TFAM: variants seen among roughly 807,000 people sequenced by gnomAD.
The protein encoded by TFAM is mitochondrial transcription factor 1.
Under a neutral mutation model 30.6 loss-of-function variants are expected in TFAM, and 13 were observed. The ratio of observed to expected loss-of-function variants is 0.42; its 90% CI spans 0.28 to 0.67. TFAM has a LOEUF of 0.67. Ranked by LOEUF, TFAM falls within the 30% of genes least tolerant of loss-of-function variation. TFAM has a pLI of 0.21. For synonymous variants in TFAM, 106 were observed against 94.8 expected (o/e 1.12, Z -0.69); for missense variants, 231 against 293.7 (o/e 0.79, Z 1.56).
chr10:58,390,923 C>T, intron 5 of TFAM, 63 bp downstream of exon 5: 2 of 1,409,070 alleles, frequency 1.4e-6, no homozygotes, highest in South Asian at 1.2e-5. Flanking sequence ...GTCTAGAGTG[C>T]CATGTGTCAG....
At position 58,385,522 on chromosome 10, in the gene TFAM, G is replaced by A; in HGVS notation, c.-26G>A. 1.3e-6 allele frequency: 2 copies of A among 1,537,266 alleles called. No homozygotes were observed. The highest frequency in any genetic ancestry group is 1.8e-6 in the Non-Finnish European group (2 of 1,133,074). On this transcript the variant is annotated 5_prime_UTR_variant, in exon 1 of 7. Transcript: ENST00000487519. ...CAGGAGGCTCTCCGAGATTGGGGTC[G>A]GGTCACTGCCTCATCCACCGGAGCG...
In TFAM at chr10:58,390,831, T is replaced by G. The variant is rs1163208695; in HGVS notation, c.508T>G (p.Phe170Val). Residue 170 changes from phenylalanine (F) to valine (V), a missense_variant, in exon 5 of 7, where the codon TTC becomes GTC. Physicochemically the swap from Phe to Val is conservative, Grantham distance 50. Transcript: ENST00000487519. ...TTATAACGTTTATGTAGCTGAAAGA[T>G]TCCAAGAAGCTAAGGGTGATTCACC... ...SAYNVYVAER[F>V]QEAKGDSPQE... The G allele has an allele frequency of 6.2e-7, 1 of 1,613,150 alleles. No individual in the cohort carries two copies. Among genetic ancestry groups the G allele is most frequent in the African/African-American group, 1.3e-5 (1 of 74,902 alleles).
intron 4 of TFAM, among the ~76,000 whole-genome samples, chr10:58,389,045 A>G (rs1013377990): frequency 6.6e-6 from 1 of 152,228 alleles, no homozygotes; most frequent in African/African-American, 2.4e-5. Context: ...TTGCAGATGT[A>G]TCCACATTTA....
chr10:58,390,866 G>C lies in TFAM; in HGVS notation c.537+6G>C, dbSNP rs775975100. On this transcript the variant is annotated splice_donor_region_variant and intron_variant, in intron 5 of 6. Coordinates refer to ENST00000487519, the MANE Select transcript of TFAM (RefSeq NM_003201.3). The stretch of plus-strand genomic sequence containing the variant: ...CTAAGGGTGATTCACCGCAGGTAAA[G>C]CTGAAATATATTTTTGTTTAATTTT... The C allele has an allele frequency of 3.1e-6, 5 of 1,610,666 alleles. No homozygotes were observed. The highest frequency in any genetic ancestry group is 4.2e-6 in the Non-Finnish European group (5 of 1,178,162).
Position 58,388,816 on chromosome 10 carries a change from A to T in TFAM, c.438A>T (p.Lys146Asn), listed in dbSNP as rs1564567817. Residue 146 changes from lysine (K) to asparagine (N), a missense_variant, in exon 4 of 7, where the codon AAA becomes AAT. Lys to Asn is a moderately conservative substitution (Grantham distance 94). Coordinates refer to ENST00000487519, the MANE Select transcript of TFAM (RefSeq NM_003201.3). ...KHLKRKAMTK[K>N]KELTLLGKPK... ...TAAAAAGGAAAGCTATGACAAAAAA[A>T]AAAGTGAGTATCATTGAAATACTTT... 1 of 1,604,944 alleles carries T rather than the reference A, an allele frequency of 6.2e-7. No homozygotes were observed. The highest frequency in any genetic ancestry group is 2.2e-5 in the East Asian group (1 of 44,802).
intron 1 of TFAM, among the ~76,000 whole-genome samples, chr10:58,385,871 C>T (rs1840477912): frequency 6.6e-6 from 1 of 152,190 alleles, no homozygotes; most frequent in Admixed American, 6.5e-5. Flanking sequence ...CTCGCTTCTC[C>T]CATCCCTCCT....
chr10:58,392,423 C>G (rs1840613257), intron 5 of TFAM, among the ~76,000 whole-genome samples: 1 of 140,346 alleles, frequency 7.1e-6, no homozygotes, highest in Admixed American at 7.4e-5. Flanking sequence ...ACTCCTGCTA[C>G]ATGTATATGC....
In TFAM at chr10:58,395,287, A is replaced by T. The variant is rs1390321220; in HGVS notation, c.*213A>T. The T allele has an allele frequency of 1.8e-6, 1 of 548,726 alleles. No homozygotes were observed. The highest frequency in any genetic ancestry group is 4.5e-4 in the Middle Eastern group (1 of 2,214). 34.0% of individuals were successfully genotyped at this position (548,726 alleles called of 1,614,324 possible). On this transcript the variant is annotated 3_prime_UTR_variant, in exon 7 of 7. Transcript: ENST00000487519. ...TGCAAACTTTATTTTGTGTTTAGGAACTACTGAGGATCAGAGTAATCCAAG... is the reference window on the plus strand; with the variant it reads ...TGCAAACTTTATTTTGTGTTTAGGATCTACTGAGGATCAGAGTAATCCAAG...
At position 58,397,929 on chromosome 10, in the gene TFAM, T is replaced by A. The variant is rs923849494; in HGVS notation, c.*2855T>A. 2 of 149,076 alleles carry A rather than the reference T, an allele frequency of 1.3e-5. No homozygotes were observed. The highest frequency in any genetic ancestry group is 1.5e-5 in the Non-Finnish European group (1 of 67,110). The allele number at this position is 149,076 out of a possible 1,614,324, so 9.2% of individuals were successfully genotyped here. On this transcript the variant is annotated 3_prime_UTR_variant, in exon 7 of 7. Coordinates refer to ENST00000487519, the MANE Select transcript of TFAM (RefSeq NM_003201.3). ...CCACCATGCCTGGCTAATTTTTGTA[T>A]TTTTTTTTTAATCAAGATGGGATCT...
chr10:58,385,425 T>C lies in TFAM; in HGVS notation c.-123T>C, dbSNP rs1589010179. ...CAGATTTCCCATAGTGCCTCGCTAG[T>C]GGCGGGCATGATAACACACGCCGGA... On this transcript the variant is annotated 5_prime_UTR_variant, in exon 1 of 7. Coordinates refer to ENST00000487519, the MANE Select transcript of TFAM (RefSeq NM_003201.3). 1.4e-6 allele frequency: 1 copy of C among 721,648 alleles called. No individual in the cohort carries two copies. Among genetic ancestry groups the C allele is most frequent in the Non-Finnish European group, 2.4e-6 (1 of 414,224 alleles). The allele number at this position is 721,648 out of a possible 1,614,324, so 44.7% of individuals were successfully genotyped here.
At chr10:58,387,398 C>T (rs1489828550) in intron 2 of TFAM, among the ~76,000 whole-genome samples, 1 of 152,152 alleles carries the variant, frequency 6.6e-6, no homozygotes, top group East Asian at 1.9e-4. Context: ...ATTAATTGCA[C>T]GCCATCATTC....
At chr10:58,390,703 AGG>A (rs995089905) in intron 4 of TFAM, 60 bp from the exon 5 acceptor site, 3 of 1,209,214 alleles carry the variant, frequency 2.5e-6, no homozygotes, top group Non-Finnish European at 3.7e-6. Context: ...AAGTTTCTGT[AGG>A]TAAAATTAAG....
Position 58,386,620 on chromosome 10 carries a change from A to G in TFAM, c.220+282A>G. 2.5e-6 allele frequency: 3 copies of G among 1,198,614 alleles called. 1 individual carries two copies. The South Asian group carries it at 5.5e-5, about 22-fold the overall frequency. 74.2% of individuals were successfully genotyped at this position (1,198,614 alleles called of 1,614,324 possible). On this transcript the variant is annotated intron_variant, in intron 2 of 6. Coordinates refer to ENST00000487519, the MANE Select transcript of TFAM (RefSeq NM_003201.3). Reference sequence around the variant, plus strand: ...GGCCTTGTTGCCTTTGGTCTAGAGGACCACTGATGAATTATTTTCTCTTGC... The same window carrying G: ...GGCCTTGTTGCCTTTGGTCTAGAGGGCCACTGATGAATTATTTTCTCTTGC...
chr10:58,397,682 A>T lies in TFAM; in HGVS notation c.*2608A>T, dbSNP rs138281741. The stretch of plus-strand genomic sequence containing the variant: ...CCAAATGCCATTCAGCTGTAACAGT[A>T]TACACAGATTTTCTCTTATAAAGAA... On this transcript the variant is annotated 3_prime_UTR_variant, in exon 7 of 7. Transcript: ENST00000487519. The T allele has an allele frequency of 3.3e-5, 5 of 152,330 alleles. No individual in the cohort carries two copies. The highest frequency in any genetic ancestry group is 1.2e-4 in the African/African-American group (5 of 41,572). The allele number at this position is 152,330 out of a possible 1,614,324, so 9.4% of individuals were successfully genotyped here. A position where few individuals can be genotyped will look rare whatever the true frequency, so the allele number is the denominator to read the frequency against.
At chr10:58,388,513 G>A (rs776145180) in intron 3 of TFAM, among the ~76,000 whole-genome samples, 157 bp from the exon 4 acceptor site, 34 of 152,196 alleles carry the variant, frequency 2.2e-4, no homozygotes, top group Non-Finnish European at 4.1e-4. Flanking sequence ...TAAGGAAAAT[G>A]TATGTTTTAA....
At position 58,391,165 on chromosome 10, in the gene TFAM, A is replaced by G. The variant is rs558029349; in HGVS notation, c.537+305A>G. The stretch of plus-strand genomic sequence containing the variant: ...TGTTCCAGCAGTTCTTAACTGTTTT[A>G]CGATCACTAGAAAGAATGAGAGTAG... On this transcript the variant is annotated intron_variant, in intron 5 of 6. Coordinates refer to ENST00000487519, the MANE Select transcript of TFAM (RefSeq NM_003201.3). Among the ~76,000 whole-genome samples the G allele has an allele frequency of 2.6e-5, 4 of 152,214 alleles. No individual in the cohort carries two copies. The East Asian group carries it at 7.7e-4, about 29-fold the overall frequency.
intron 2 of TFAM, 127 bp from the exon 3 acceptor site, chr10:58,388,063 A>T: frequency 1.4e-6 from 1 of 736,770 alleles, no homozygotes; most frequent in East Asian, 2.7e-5. Context: ...AATTAGTTGG[A>T]TAAAGGAAAG....
At chr10:58,392,326 A>G (rs1176653338) in intron 5 of TFAM, among the ~76,000 whole-genome samples, 4 of 152,062 alleles carry the variant, frequency 2.6e-5, no homozygotes, top group Non-Finnish European at 5.9e-5. Flanking sequence ...CTTCTACCTT[A>G]TTGTACTGCT....
At chr10:58,386,521 T>C in intron 2 of TFAM, 183 bp downstream of exon 2, 2 of 718,922 alleles carry the variant, frequency 2.8e-6, no homozygotes, top group Non-Finnish European at 4.5e-6. Flanking sequence ...AAATGAGAAC[T>C]AGTAAATGGT....
Sources: gnomAD v4.1 joint callset for allele counts (sites outside exome capture counted in the v4.1 genomes callset) on GRCh38, gnomAD v4.1.1 for gene constraint, MANE v1.5 for transcripts, NCBI Gene and HGNC (gene_info 2026-07-23, HGNC 2026-07-21) for gene names.